The following DIAPH1 variants were observed in gnomAD, a reference collection of about 807,000 sequenced individuals.
DIAPH1 encodes the protein diaphanous related formin 1.
Under a neutral mutation model 140.7 loss-of-function variants are expected in DIAPH1, and 46 were observed. That is an observed-to-expected ratio of 0.33 (90% CI 0.26 to 0.42). The LOEUF (loss-of-function observed/expected upper bound fraction) is 0.42. Among genes scored for constraint, DIAPH1 ranks in the 10% least tolerant of loss-of-function variants. The pLI, the probability that DIAPH1 is intolerant of heterozygous loss-of-function variation, is 1.00. For synonymous variants in DIAPH1, 565 were observed against 551.6 expected, an observed-to-expected ratio of 1.02 and a Z score of -0.34; for missense variants, 1,310 against 1,558.7, an observed-to-expected ratio of 0.84 and a Z score of 2.69.
In DIAPH1 at chr5:141,539,584, T is replaced by C. The variant is rs150069665; in HGVS notation, c.2483-5151A>G. On this transcript the variant is annotated intron_variant, in intron 18 of 27. Transcript: ENST00000389054. ...CGTGCCCCCAGCCTTTTTTGGGTAG[T>C]TTTTGACTAATGATTCAATCTCCTC... Among the ~76,000 whole-genome samples, 3 of 152,184 alleles carry C rather than the reference T, an allele frequency of 2.0e-5. No individual in the cohort carries two copies. The East Asian group carries it at 5.8e-4, about 29-fold the overall frequency.
chr5:141,522,590 A>C (rs951452394), intron 27 of DIAPH1, among the ~76,000 whole-genome samples: 4 of 151,978 alleles, frequency 2.6e-5, no homozygotes, highest in Admixed American at 6.6e-5. Flanking sequence ...AAAAAAAAAA[A>C]AAAAAAAACA....
At chr5:141,579,063 G>A in intron 9 of DIAPH1, 25 bp downstream of exon 9, 1 of 1,540,042 alleles carries the variant, frequency 6.5e-7, no homozygotes, top group Non-Finnish European at 9.0e-7. Context: ...CTATTCTTGG[G>A]CCCAGTTTCA....
chr5:141,561,617 TAA>T (rs1445701448), intron 18 of DIAPH1, among the ~76,000 whole-genome samples: 1 of 152,160 alleles, frequency 6.6e-6, no homozygotes, highest in East Asian at 1.9e-4. Context: ...ATAGAAAAAT[TAA>T]AAGAGAAAGT....
intron 18 of DIAPH1, chr5:141,557,927 T>C (rs1281849275): frequency 1.3e-5 from 2 of 152,256 alleles, no homozygotes; most frequent in African/African-American, 4.8e-5. Flanking sequence ...CCTTTTTTTA[T>C]TCCTGCGTCA....
intron 1 of DIAPH1, among the ~76,000 whole-genome samples, chr5:141,596,748 T>C (rs539706037): frequency 1.1e-4 from 17 of 152,334 alleles, no homozygotes; most frequent in African/African-American, 4.1e-4. Context: ...TTTCAAATCC[T>C]ACCCACGCAC....
chr5:141,527,442 T>C (rs942944896), intron 24 of DIAPH1, 131 bp downstream of exon 24: 4 of 989,374 alleles, frequency 4.0e-6, no homozygotes, highest in Non-Finnish European at 5.9e-6. Flanking sequence ...CAAAAAACTA[T>C]GTATTTAAAG....
rs147314451 is a variant in DIAPH1 at position 141,543,275 on chromosome 5, A to G, written c.2483-8842T>C. 7.5e-3 allele frequency among the ~76,000 whole-genome samples: 1,147 copies of G among 152,302 alleles called. 18 individuals are homozygous for G. The highest frequency in any genetic ancestry group is 0.026 in the African/African-American group (1,089 of 41,550). The stretch of plus-strand genomic sequence containing the variant: ...AAGAAGCCAGACACAAAGGGCACAT[A>G]CTTTATTAATTATATTGACACAACA... On this transcript the variant is annotated intron_variant, in intron 18 of 27. Coordinates refer to ENST00000389054, the MANE Select transcript of DIAPH1 (RefSeq NM_005219.5).
rs2099885650 is a variant in DIAPH1 at position 141,516,153 on chromosome 5, T to TAC, written c.*697_*698insGT. On this transcript the variant is annotated 3_prime_UTR_variant, in exon 28 of 28. Transcript: ENST00000389054. ...CAAGGGCATAAAGCGTGGCAGAAGC[T>TAC]GGGGGCAGGTCCCACACTGTCGCTA... 6.3e-6 allele frequency: 1 copy of TAC among 157,608 alleles called. No individual in the cohort carries two copies. Among genetic ancestry groups the TAC allele is most frequent in the Admixed American group, 6.0e-5 (1 of 16,734 alleles). The allele number at this position is 157,608 out of a possible 1,614,324, so 9.8% of individuals were successfully genotyped here.
chr5:141,550,176 T>C (rs1562301650), intron 18 of DIAPH1, among the ~76,000 whole-genome samples: 1 of 151,810 alleles, frequency 6.6e-6, no homozygotes. Context: ...ATCAGGAAAA[T>C]GCAGGATTTT....
In DIAPH1 at chr5:141,618,823, C is replaced by G; in HGVS notation, c.92G>C (p.Gly31Ala). Residue 31 changes from glycine (G) to alanine (A), a missense_variant, in exon 1 of 28, where the codon GGC becomes GCC. This residue lies in a region of DIAPH1 where 377 missense variants were observed against 497.1 expected (regional missense o/e 0.76). Coordinates refer to ENST00000389054, the MANE Select transcript of DIAPH1 (RefSeq NM_005219.5). ...RSPDELPSAGGDGGKSKKFTL... is the reference protein window; with the variant it reads ...RSPDELPSAGADGGKSKKFTL... Reference sequence around the variant, plus strand: ...AAATTTCTTAGATTTGCCGCCGTCGCCGCCCGCCGAGGGCAGCTCATCTGG... The same window carrying G: ...AAATTTCTTAGATTTGCCGCCGTCGGCGCCCGCCGAGGGCAGCTCATCTGG... 3.2e-6 allele frequency: 5 copies of G among 1,546,746 alleles called. No individual in the cohort carries two copies. The highest frequency in any genetic ancestry group is 4.4e-6 in the Non-Finnish European group (5 of 1,145,696).
At chr5:141,564,064 T>G (rs1018980257) in intron 18 of DIAPH1, 2 of 152,198 alleles carry the variant, frequency 1.3e-5, no homozygotes, top group East Asian at 3.8e-4. Flanking sequence ...AAACCTCTCT[T>G]TGAGCCCTCT....
intron 7 of DIAPH1, chr5:141,582,059 CAAAAAA>C (rs70991705): frequency 0.034 from 2,660 of 79,090 alleles, 2 homozygotes; most frequent in East Asian, 0.05. Context: ...GACTCCATCT[CAAAAAA>C]AAAAAAAAAA....
chr5:141,573,477 G>C lies in DIAPH1; in HGVS notation c.2358+15C>G, dbSNP rs375375478. 121 of 1,321,998 alleles carry C rather than the reference G, an allele frequency of 9.2e-5. No homozygotes were observed. In the African/African-American group the frequency reaches 1.5e-3, roughly 16 times the overall value. 81.9% of individuals were successfully genotyped at this position (1,321,998 alleles called of 1,614,324 possible). A position where few individuals can be genotyped will look rare whatever the true frequency, so the allele number is the denominator to read the frequency against. ...AAAAAGATTGACTGGTGAAGAAATA[G>C]ACAGAAACTCTTACCTTGGACCAGT... On this transcript the variant is annotated intron_variant, in intron 16 of 27. Transcript: ENST00000389054.
chr5:141,549,188 T>C (rs936750281), intron 18 of DIAPH1, among the ~76,000 whole-genome samples: 10 of 152,190 alleles, frequency 6.6e-5, no homozygotes, highest in Admixed American at 1.3e-4. Flanking sequence ...CACAGATATA[T>C]TGAGAGTAAA....
chr5:141,550,670 C>G (rs982340038), intron 18 of DIAPH1, among the ~76,000 whole-genome samples: 1 of 152,008 alleles, frequency 6.6e-6, no homozygotes, highest in African/African-American at 2.4e-5. Flanking sequence ...GGCTGGAGTG[C>G]AGTGGCACAA....
At chr5:141,526,572 AG>A in intron 24 of DIAPH1, 111 bp from the exon 25 acceptor site, 1 of 1,335,774 alleles carries the variant, frequency 7.5e-7, no homozygotes, top group Non-Finnish European at 1.1e-6. Flanking sequence ...TGTTCAATAC[AG>A]CACTGTTTAT....
Position 141,574,069 on chromosome 5 carries a change from G to T in DIAPH1, c.1781C>A (p.Thr594Asn). The change falls in exon 16 of 28, where the codon ACT (threonine) becomes AAT (asparagine). Residue 594 changes from threonine to asparagine, a missense_variant. Thr to Asn is a moderately conservative substitution (Grantham distance 65). Coordinates refer to ENST00000389054, the MANE Select transcript of DIAPH1 (RefSeq NM_005219.5). ...AGGAGCAGGTGGTGGTGGAATAATA[G>T]TGCCAGAGTCACCAGGTAAAGGAGG... The part of the protein sequence containing the change: ...PAPPLPGDSG[T>N]IIPPPPAPGD... The T allele has an allele frequency of 6.2e-7, 1 of 1,610,156 alleles. No homozygotes were observed.
intron 18 of DIAPH1, among the ~76,000 whole-genome samples, chr5:141,540,832 G>A (rs1296356330): frequency 3.3e-5 from 5 of 151,508 alleles, no homozygotes; most frequent in African/African-American, 1.2e-4. Context: ...GGCTGAGGTG[G>A]GCAGATCACC....
chr5:141,532,153 C>T (rs191118705), intron 19 of DIAPH1, among the ~76,000 whole-genome samples: 108 of 152,248 alleles, frequency 7.1e-4, no homozygotes, highest in African/African-American at 2.4e-3. Context: ...AACAAGCCAA[C>T]CTTCCCGCCT....
Sources: allele counts gnomAD v4.1 joint callset (sites outside exome capture counted in the v4.1 genomes callset), GRCh38; gene constraint gnomAD v4.1.1; regional missense constraint gnomAD v4.1.1; transcripts MANE v1.5; gene names NCBI Gene and HGNC (gene_info 2026-07-23, HGNC 2026-07-21).